FAM76A: variants seen among roughly 807,000 people sequenced by gnomAD.
FAM76A encodes family with sequence similarity 76 member A.
FAM76A carries 32 observed loss-of-function variants against 46.2 expected under a neutral mutation model. The ratio of observed to expected loss-of-function variants is 0.69; its 90% CI spans 0.52 to 0.93. FAM76A has a LOEUF of 0.93. FAM76A is among the 40% of genes least tolerant of loss of function. The pLI is 0.00. For synonymous variants in FAM76A, 137 were observed against 127.0 expected (o/e 1.08, Z -0.53); for missense variants, 274 against 361.5 (o/e 0.76, Z 1.96).
At chr1:27,741,132 CAA>C (rs1331913991) in intron 4 of FAM76A, among the ~76,000 whole-genome samples, 2 of 91,466 alleles carry the variant, frequency 2.2e-5, no homozygotes, top group Non-Finnish European at 2.2e-5. Flanking sequence ...AACTCCGTCT[CAA>C]AAAAAAAAAA....
chr1:27,727,479 G>A lies in FAM76A; in HGVS notation c.89G>A (p.Arg30Gln), dbSNP rs772706905. 77 of 1,613,436 alleles carry A rather than the reference G, an allele frequency of 4.8e-5. No individual in the cohort carries two copies. The highest frequency in any genetic ancestry group is 6.3e-5 in the Non-Finnish European group (74 of 1,179,636). Residue 30 changes from arginine (R) to glutamine (Q), a missense_variant, in exon 2 of 9, where the codon CGG becomes CAG. Arg to Gln is a conservative substitution (Grantham distance 43). Coordinates refer to ENST00000373954, the MANE Select transcript of FAM76A (RefSeq NM_152660.3). ...SQGQQLCKEC[R>Q]IAHPVVKCTY... is the part of the protein sequence containing the mutation. ...ATCCTCATTTCATTTCAGGAATGTCGGATTGCACACCCTGTTGTGAAGTGC... is the reference window on the plus strand; with the variant it reads ...ATCCTCATTTCATTTCAGGAATGTCAGATTGCACACCCTGTTGTGAAGTGC...
At chr1:27,730,822 T>G (rs76062689) in intron 2 of FAM76A, among the ~76,000 whole-genome samples, 265 of 152,122 alleles carry the variant, frequency 1.7e-3, no homozygotes, top group African/African-American at 4.0e-3. Flanking sequence ...GACTAGTTTT[T>G]TGTGTGTGTG....
intron 2 of FAM76A, among the ~76,000 whole-genome samples, chr1:27,728,426 C>T (rs550799430): frequency 1.3e-5 from 2 of 152,120 alleles, no homozygotes; most frequent in African/African-American, 4.8e-5. Context: ...CGTCATGGCT[C>T]ACTGCAGCCT....
Position 27,759,646 on chromosome 1 carries a change from T to A in FAM76A, c.837+19T>A, listed in dbSNP as rs778456969. On this transcript the variant is annotated intron_variant, in intron 8 of 8. Transcript: ENST00000373954. ...ACTGCAGGTGACTGACTCTGCTTAT[T>A]TTATGTGCTAAAATTGTGTACCTAC... 200 of 1,558,762 alleles carry A rather than the reference T, an allele frequency of 1.3e-4. No homozygotes were observed. The highest frequency in any genetic ancestry group is 1.7e-4 in the Non-Finnish European group (192 of 1,131,554).
chr1:27,726,220 C>A, intron 1 of FAM76A, 59 bp downstream of exon 1: 1 of 1,231,194 alleles, frequency 8.1e-7, no homozygotes, highest in Non-Finnish European at 1.0e-6. Context: ...GCCCGGAGCT[C>A]CAGATTCTGT....
At chr1:27,730,655 A>C (rs2087942169) in intron 2 of FAM76A, among the ~76,000 whole-genome samples, 1 of 152,182 alleles carries the variant, frequency 6.6e-6, no homozygotes, top group Non-Finnish European at 1.5e-5. Context: ...AATGTCCTTC[A>C]CTTATTTTAC....
intron 8 of FAM76A, 146 bp downstream of exon 8, chr1:27,759,773 T>G (rs1275826023): frequency 3.2e-6 from 2 of 615,688 alleles, no homozygotes; most frequent in Non-Finnish European, 5.5e-6. Context: ...TAGGTTTTTT[T>G]TTTTTGTTTT....
chr1:27,761,059 A>C lies in FAM76A; in HGVS notation c.*478A>C, dbSNP rs1184057062. On this transcript the variant is annotated 3_prime_UTR_variant, in exon 9 of 9. Coordinates refer to ENST00000373954, the MANE Select transcript of FAM76A (RefSeq NM_152660.3). Reference sequence around the variant, plus strand: ...CTGAACTTTGAAAACTGCCATCTTCAGACTTGGTATAATGGAAGAGGCTTT... The same window carrying C: ...CTGAACTTTGAAAACTGCCATCTTCCGACTTGGTATAATGGAAGAGGCTTT... The C allele has an allele frequency of 6.7e-6, 1 of 149,674 alleles. No homozygotes were observed. The highest frequency in any genetic ancestry group is 1.5e-5 in the Non-Finnish European group (1 of 67,636). 9.3% of individuals were successfully genotyped at this position (149,674 alleles called of 1,614,324 possible). A position where few individuals can be genotyped will look rare whatever the true frequency, so the allele number is the denominator to read the frequency against.
chr1:27,760,644 C>A lies in FAM76A; in HGVS notation c.*63C>A, dbSNP rs900676876. 10 of 1,185,444 alleles carry A rather than the reference C, an allele frequency of 8.4e-6. No individual in the cohort carries two copies. The highest frequency in any genetic ancestry group is 3.1e-5 in the African/African-American group (2 of 64,472). The allele number at this position is 1,185,444 out of a possible 1,614,324, so 73.4% of individuals were successfully genotyped here. A position where few individuals can be genotyped will look rare whatever the true frequency, so the allele number is the denominator to read the frequency against. On this transcript the variant is annotated 3_prime_UTR_variant, in exon 9 of 9. Transcript: ENST00000373954. ...GTTGTCCAGGGTTAGGGTTGGAGAC[C>A]TGGCTGTTCTGTGGGAATTGCAAGC...
At chr1:27,727,584 T>TA (rs1557772516) in intron 2 of FAM76A, 48 bp downstream of exon 2, 6 of 1,395,916 alleles carry the variant, frequency 4.3e-6, no homozygotes, top group South Asian at 1.2e-5. Context: ...TTTTTCCTCT[T>TA]AAAATCTGTA....
intron 4 of FAM76A, 76 bp downstream of exon 4, chr1:27,734,259 T>C (rs2148568465): frequency 4.8e-6 from 7 of 1,451,370 alleles, no homozygotes; most frequent in Admixed American, 2.4e-5. Context: ...TAAAAACACA[T>C]TTAATAGGCC....
chr1:27,728,877 T>G (rs754322937), intron 2 of FAM76A, among the ~76,000 whole-genome samples: 87 of 151,908 alleles, frequency 5.7e-4, no homozygotes, highest in Non-Finnish European at 9.9e-4. Flanking sequence ...GGCAGGAGAA[T>G]TGCTTGAACC....
chr1:27,749,177 G>A (rs774159185), intron 6 of FAM76A, 23 bp downstream of exon 6: 4 of 1,526,810 alleles, frequency 2.6e-6, no homozygotes, highest in Non-Finnish European at 2.7e-6. Context: ...GAGTATGTGT[G>A]CGCACACATT....
intron 5 of FAM76A, among the ~76,000 whole-genome samples, chr1:27,745,129 C>G (rs776117284): frequency 6.6e-6 from 1 of 152,132 alleles, no homozygotes; most frequent in Non-Finnish European, 1.5e-5. Context: ...CTGAGAGATA[C>G]AGCTTTTTCA....
rs777871166 is a variant in FAM76A at position 27,728,601 on chromosome 1, C to T, written c.146+1065C>T. 2.6e-5 allele frequency among the ~76,000 whole-genome samples: 4 copies of T among 152,130 alleles called. No individual in the cohort carries two copies. In the South Asian group the frequency reaches 6.2e-4, roughly 24 times the overall value. On this transcript the variant is annotated intron_variant, in intron 2 of 8. Coordinates refer to ENST00000373954, the MANE Select transcript of FAM76A (RefSeq NM_152660.3). ...TCATGGGCCCAAGTGATTCCTTCCT[C>T]GTTAGCCTCTCAAGATGTTGGAATT...
At chr1:27,730,747 C>G (rs1222074974) in intron 2 of FAM76A, among the ~76,000 whole-genome samples, 1 of 152,040 alleles carries the variant, frequency 6.6e-6, no homozygotes, top group East Asian at 1.9e-4. Context: ...TTTCTTTTGT[C>G]TATTTTAACT....
At chr1:27,728,008 A>G (rs1439534527) in intron 2 of FAM76A, among the ~76,000 whole-genome samples, 3 of 151,972 alleles carry the variant, frequency 2.0e-5, no homozygotes, top group African/African-American at 4.8e-5. Context: ...GGGTTTCACC[A>G]TCTTGGCCAG....
intron 7 of FAM76A, among the ~76,000 whole-genome samples, chr1:27,757,882 C>G (rs1048785707): frequency 4.0e-5 from 6 of 151,700 alleles, no homozygotes; most frequent in African/African-American, 1.2e-4. Flanking sequence ...GAGGCTGAGG[C>G]AGGAGAATGG....
intron 1 of FAM76A, 59 bp from the exon 2 acceptor site, chr1:27,727,413 A>C (rs1156483585): frequency 6.9e-7 from 1 of 1,446,930 alleles, no homozygotes; most frequent in Non-Finnish European, 9.7e-7. Flanking sequence ...TCGGCTTCCT[A>C]CTGAAGGCTG....
Sources: gnomAD v4.1 joint callset for allele counts (sites outside exome capture counted in the v4.1 genomes callset) on GRCh38, gnomAD v4.1.1 for gene constraint, MANE v1.5 for transcripts, NCBI Gene and HGNC (gene_info 2026-07-23, HGNC 2026-07-21) for gene names.